Variants in KIF16B observed in about 807,000 individuals in gnomAD.
KIF16B encodes the protein kinesin-like protein KIF16B.
A neutral mutation model predicts 156.3 loss-of-function variants in KIF16B; 98 were observed. The ratio of observed to expected loss-of-function variants is 0.63; its 90% CI spans 0.53 to 0.74. The LOEUF is 0.74. KIF16B is among the 30% of genes least tolerant of loss of function. The pLI is 0.00. For synonymous variants in KIF16B, 564 were observed against 583.7 expected, an observed-to-expected ratio of 0.97 and a Z score of 0.49; for missense variants, 1,421 against 1,606.5, an observed-to-expected ratio of 0.88 and a Z score of 1.97.
chr20:16,430,067 G>A, intron 12 of KIF16B, 85 bp from the exon 13 acceptor site: 1 of 1,337,250 alleles, frequency 7.5e-7, no homozygotes, highest in Non-Finnish European at 1.0e-6. Flanking sequence ...TGTCAGAATG[G>A]GCAATATTTT....
intron 1 of KIF16B, among the ~76,000 whole-genome samples, chr20:16,556,323 TG>T (rs1242991615): frequency 6.6e-6 from 1 of 152,206 alleles, no homozygotes; most frequent in Non-Finnish European, 1.5e-5. Context: ...CACACCGCTC[TG>T]CCATGAACCA....
At chr20:16,465,667 A>C (rs555351683) in intron 12 of KIF16B, among the ~76,000 whole-genome samples, 1 of 152,382 alleles carries the variant, frequency 6.6e-6, no homozygotes, top group South Asian at 2.1e-4. Context: ...ACATGTTTAC[A>C]TATATGCTTA....
At chr20:16,475,284 C>G (rs1177194210) in intron 12 of KIF16B, among the ~76,000 whole-genome samples, 5 of 152,162 alleles carry the variant, frequency 3.3e-5, no homozygotes, top group Non-Finnish European at 7.3e-5. Context: ...CTCATAACAA[C>G]CCGATGAGTT....
chr20:16,350,495 A>G (rs1160218145), intron 23 of KIF16B, among the ~76,000 whole-genome samples: 2 of 151,854 alleles, frequency 1.3e-5, no homozygotes, highest in Non-Finnish European at 2.9e-5. Context: ...GAGCCAGGAC[A>G]TGGGTATACT....
intron 12 of KIF16B, among the ~76,000 whole-genome samples, chr20:16,441,106 C>T (rs2066788044): frequency 1.3e-5 from 2 of 152,226 alleles, no homozygotes; most frequent in Middle Eastern, 3.4e-3. Context: ...CAGGATGGTT[C>T]ATCAGAAGAT....
At chr20:16,569,161 T>G (rs1568701263) in intron 1 of KIF16B, among the ~76,000 whole-genome samples, 1 of 152,204 alleles carries the variant, frequency 6.6e-6, no homozygotes, top group Non-Finnish European at 1.5e-5. Flanking sequence ...TGCTGGCACC[T>G]TGATCTTGGA....
At chr20:16,466,912 C>T (rs1433496015) in intron 12 of KIF16B, among the ~76,000 whole-genome samples, 1 of 148,436 alleles carries the variant, frequency 6.7e-6, no homozygotes, top group Admixed American at 6.7e-5. Context: ...GTTAAACAAA[C>T]ACTACAGGAG....
intron 25 of KIF16B, among the ~76,000 whole-genome samples, chr20:16,298,015 G>A (rs1601519604): frequency 6.6e-6 from 1 of 152,090 alleles, no homozygotes; most frequent in African/African-American, 2.4e-5. Context: ...TTGGCTCCTG[G>A]TCCTCTGGAT....
At chr20:16,470,781 A>C (rs930732489) in intron 12 of KIF16B, among the ~76,000 whole-genome samples, 1 of 151,962 alleles carries the variant, frequency 6.6e-6, no homozygotes, top group East Asian at 1.9e-4. Context: ...ACAGGCATGA[A>C]CCAATGCACA....
intron 25 of KIF16B, among the ~76,000 whole-genome samples, chr20:16,303,194 T>C (rs1292689261): frequency 1.3e-5 from 2 of 152,228 alleles, no homozygotes; most frequent in Non-Finnish European, 2.9e-5. Flanking sequence ...ATGGGTAATA[T>C]TATTTCCATT....
intron 22 of KIF16B, among the ~76,000 whole-genome samples, chr20:16,364,806 T>C (rs185404494): frequency 1.6e-4 from 25 of 152,326 alleles, no homozygotes; most frequent in Admixed American, 1.3e-3. Flanking sequence ...ATGATCCTCA[T>C]TGTGGCCTTC....
chr20:16,436,746 T>G (rs2066651432), intron 12 of KIF16B, among the ~76,000 whole-genome samples: 1 of 152,216 alleles, frequency 6.6e-6, no homozygotes, highest in African/African-American at 2.4e-5. Flanking sequence ...TGCTATGCTT[T>G]CTATTATTTC....
At chr20:16,287,526 A>G (rs979993995) in intron 25 of KIF16B, among the ~76,000 whole-genome samples, 3 of 152,244 alleles carry the variant, frequency 2.0e-5, no homozygotes, top group African/African-American at 7.2e-5. Context: ...ACATAAGCAT[A>G]TTATACTGAA....
intron 12 of KIF16B, among the ~76,000 whole-genome samples, chr20:16,476,863 ATCC>A (rs2067829254): frequency 1.3e-5 from 2 of 152,042 alleles, no homozygotes; most frequent in South Asian, 4.2e-4. Context: ...GGTTCAAGTG[ATCC>A]TCCTGCCTCA....
chr20:16,543,579 A>G (rs1490805702), intron 1 of KIF16B, among the ~76,000 whole-genome samples: 1 of 152,216 alleles, frequency 6.6e-6, no homozygotes, highest in East Asian at 1.9e-4. Context: ...AATCTGGTGG[A>G]CAACTGAAAA....
chr20:16,527,582 T>C (rs13042569), intron 2 of KIF16B, among the ~76,000 whole-genome samples: 2 of 152,170 alleles, frequency 1.3e-5, no homozygotes, highest in African/African-American at 4.8e-5. Context: ...GTTGTTTTTT[T>C]GTTTGTTTGT....
Position 16,272,140 on chromosome 20 carries a change from C to T in KIF16B, c.*1113G>A, listed in dbSNP as rs192362429. The T allele has an allele frequency of 2.1e-4, 32 of 152,492 alleles. No individual in the cohort carries two copies. The East Asian group carries it at 6.0e-3, about 28-fold the overall frequency. The allele number at this position is 152,492 out of a possible 1,614,324, so 9.4% of individuals were successfully genotyped here. ...ACTTCATTTAATATTGATAGCAGCT[C>T]AATTTAAATTTTGAAAAAGCAAATA... On this transcript the variant is annotated 3_prime_UTR_variant, in exon 26 of 26. Coordinates refer to ENST00000354981, the MANE Select transcript of KIF16B (RefSeq NM_024704.5).
intron 12 of KIF16B, among the ~76,000 whole-genome samples, chr20:16,483,353 A>T (rs2068030809): frequency 6.6e-6 from 1 of 152,222 alleles, no homozygotes; most frequent in Non-Finnish European, 1.5e-5. Flanking sequence ...CAATGTAAAT[A>T]AACAAACAGA....
intron 12 of KIF16B, among the ~76,000 whole-genome samples, chr20:16,447,887 C>T (rs149028515): frequency 1.3e-3 from 202 of 152,284 alleles, no homozygotes; most frequent in African/African-American, 4.7e-3. Context: ...GAGAGGATCA[C>T]TTGGGCCCAG....
Sources: allele counts gnomAD v4.1 joint callset (sites outside exome capture counted in the v4.1 genomes callset), GRCh38; gene constraint gnomAD v4.1.1; transcripts MANE v1.5; gene names NCBI Gene and HGNC (gene_info 2026-07-23, HGNC 2026-07-21).